The following DACT2 variants were observed in gnomAD, a reference collection of about 807,000 sequenced individuals.
DACT2 encodes the protein dapper homolog 2.
A neutral mutation model predicts 22.2 loss-of-function variants in DACT2; 20 were observed. The observed-to-expected ratio is 0.90, with a 90% CI of 0.63 to 1.31. The LOEUF (loss-of-function observed/expected upper bound fraction) is 1.31. Among genes scored for constraint, DACT2 ranks in the 50% most tolerant of loss-of-function variants. The pLI is 0.00. For missense variants in DACT2, 1,048 were observed against 1,061.4 expected, an observed-to-expected ratio of 0.99 and a Z score of 0.18; for synonymous variants, 463 against 479.8, an observed-to-expected ratio of 0.96 and a Z score of 0.46.
At chr6:168,305,487 C>G (rs550566570), downstream of DACT2, among the ~76,000 whole-genome samples, 3 of 152,302 alleles carry the variant, frequency 2.0e-5, no homozygotes, top group East Asian at 5.8e-4. Context: ...GCTAGGTCAC[C>G]ACGGAGGATG....
In DACT2 at chr6:168,319,515, T is replaced by C. The variant is rs1779595715; in HGVS notation, c.119A>G (p.Gln40Arg). 4.4e-6 allele frequency: 6 copies of C among 1,351,312 alleles called. No homozygotes were observed. Among genetic ancestry groups the C allele is most frequent in the Non-Finnish European group, 4.8e-6 (5 of 1,043,542 alleles). 83.7% of individuals were successfully genotyped at this position (1,351,312 alleles called of 1,614,324 possible). A position where few individuals can be genotyped will look rare whatever the true frequency, so the allele number is the denominator to read the frequency against. Residue 40 changes from glutamine (Q) to arginine (R), a missense_variant, in exon 1 of 4, where the codon CAG (glutamine) becomes CGG (arginine). Physicochemically the swap from Gln to Arg is conservative, Grantham distance 43. Transcript: ENST00000366795. ...QELQGLRATQ[Q>R]ERVRGALALQ... ...GGCCAGGGCGCCCCGTACCCGCTCC[T>C]GCTGCGTGGCTCGCAGCCCCTGCAG...
At chr6:168,314,985 C>T (rs545998564) in intron 1 of DACT2, among the ~76,000 whole-genome samples, 1 of 152,282 alleles carries the variant, frequency 6.6e-6, no homozygotes, top group East Asian at 1.9e-4. Flanking sequence ...AAGTTCTCAC[C>T]CTGCCTCCCT....
chr6:168,311,687 CACACACAT>C (rs1240545069), intron 1 of DACT2, among the ~76,000 whole-genome samples: 1 of 152,094 alleles, frequency 6.6e-6, no homozygotes, highest in African/African-American at 2.4e-5. Flanking sequence ...CACACTCACA[CACACACAT>C]ACACACATGG....
In DACT2 at chr6:168,308,104, G is replaced by A. The variant is rs970005890; in HGVS notation, c.1653C>T (p.Ala551=). ...TGRGGLQRRP[A]LAWEAPGRSC... Reference sequence around the variant, plus strand: ...AGCGCCCGGGTGCCTCCCAGGCCAGGGCTGGCCTCCGCTGGAGCCCGCCCC... The same window carrying A: ...AGCGCCCGGGTGCCTCCCAGGCCAGAGCTGGCCTCCGCTGGAGCCCGCCCC... The change falls in exon 4 of 4, where the codon GCC becomes GCT. Residue 551 remains alanine, a synonymous_variant. Transcript: ENST00000366795. 3.2e-6 allele frequency: 5 copies of A among 1,546,334 alleles called. No individual in the cohort carries two copies. The highest frequency in any genetic ancestry group is 4.0e-5 in the Admixed American group (2 of 50,574).
intron 1 of DACT2, among the ~76,000 whole-genome samples, chr6:168,315,199 G>T (rs1469239848): frequency 6.6e-6 from 1 of 152,226 alleles, no homozygotes; most frequent in Admixed American, 6.5e-5. Context: ...TTCAGGATAA[G>T]ATTTCACTGC....
downstream of DACT2, among the ~76,000 whole-genome samples, chr6:168,305,805 G>T (rs1449786286): frequency 6.6e-6 from 1 of 152,132 alleles, no homozygotes; most frequent in African/African-American, 2.4e-5. Context: ...TCCATGAGTG[G>T]GTTTGAATCA....
chr6:168,309,407 A>AGGGCCGTGTGCGTGTAGACACAGGGTGCG (rs1779331804), intron 3 of DACT2, among the ~76,000 whole-genome samples: 1 of 66,756 alleles, frequency 1.5e-5, no homozygotes, highest in Admixed American at 1.9e-4. Flanking sequence ...GACACCGCAC[A>AGGGCCGTGTGCGTGTAGACACAGGGTGCG]GGGCCGTTTG....
intron 1 of DACT2, among the ~76,000 whole-genome samples, chr6:168,312,189 C>T (rs1015489993): frequency 3.3e-5 from 5 of 152,090 alleles, no homozygotes; most frequent in African/African-American, 1.2e-4. Flanking sequence ...GAAAATCGGC[C>T]TTCAGGATCT....
chr6:168,295,798 T>C (rs1778997945), intron 3 of DACT2, among the ~76,000 whole-genome samples: 1 of 152,238 alleles, frequency 6.6e-6, no homozygotes. Context: ...AAAGCTGCGA[T>C]ATTTGGCTGA....
chr6:168,311,594 A>ACTCACACACACACACACACACC (rs1562498558), intron 1 of DACT2, among the ~76,000 whole-genome samples: 1 of 65,566 alleles, frequency 1.5e-5, no homozygotes, highest in Non-Finnish European at 3.1e-5. Flanking sequence ...CCACACACAC[A>ACTCACACACACACACACACACC]CATACACACA....
Position 168,309,015 on chromosome 6 carries a change from C to G in DACT2, c.742G>C (p.Gly248Arg). Residue 248 changes from glycine (G) to arginine (R), a missense_variant, in exon 4 of 4, where the codon GGG becomes CGG. Gly to Arg is a moderately radical substitution (Grantham distance 125, BLOSUM62 -2). Transcript: ENST00000366795. ...GGCACGTGCAGCGGGATATCCACCC[C>G]CTGGCAGAGGAGCCCGAGGAGCTCG... ...DAELLGLLCQ[G>R]VDIPLHVPDP... 1.3e-6 allele frequency: 2 copies of G among 1,548,090 alleles called. No individual in the cohort carries two copies. Among genetic ancestry groups the G allele is most frequent in the South Asian group, 2.4e-5 (2 of 84,060 alleles).
At position 168,308,887 on chromosome 6, in the gene DACT2, G is replaced by A. The variant is rs1018630393; in HGVS notation, c.870C>T (p.Val290=). 3.9e-6 allele frequency: 6 copies of A among 1,550,826 alleles called. No homozygotes were observed. Among genetic ancestry groups the A allele is most frequent in the Non-Finnish European group, 5.2e-6 (6 of 1,146,866 alleles). Residue 290 remains valine, a synonymous_variant, in exon 4 of 4, where the codon GTC becomes GTT. Transcript: ENST00000366795. ...HAVALQSPLF[V]LTKETPQRGG... Reference sequence around the variant, plus strand: ...CTCTCTGTGGGGTTTCCTTAGTCAGGACAAACAGGGGGCTCTGTAGAGCCA... The same window carrying A: ...CTCTCTGTGGGGTTTCCTTAGTCAGAACAAACAGGGGGCTCTGTAGAGCCA...
intron 3 of DACT2, among the ~76,000 whole-genome samples, chr6:168,300,981 C>T (rs1779093015): frequency 6.7e-6 from 1 of 149,902 alleles, no homozygotes; most frequent in South Asian, 2.1e-4. Context: ...TTGACTCTGT[C>T]TCAAAAAACA....
chr6:168,311,107 C>A, intron 2 of DACT2, 45 bp downstream of exon 2: 5 of 1,486,260 alleles, frequency 3.4e-6, no homozygotes, highest in Non-Finnish European at 3.6e-6. Flanking sequence ...TCTGCCTGTG[C>A]TGCGTGCCTG....
At chr6:168,313,648 G>GTA (rs1779476861) in intron 1 of DACT2, among the ~76,000 whole-genome samples, 2 of 152,220 alleles carry the variant, frequency 1.3e-5, no homozygotes, top group Admixed American at 1.3e-4. Context: ...AAAACCCATG[G>GTA]TACTGACAGA....
chr6:168,296,891 A>C (rs1203263434), intron 3 of DACT2, among the ~76,000 whole-genome samples: 1 of 152,226 alleles, frequency 6.6e-6, no homozygotes, highest in African/African-American at 2.4e-5. Context: ...TGATACTCGC[A>C]AAACCTGTAA....
chr6:168,299,603 C>A (rs764073305), intron 3 of DACT2: 1 of 152,176 alleles, frequency 6.6e-6, no homozygotes, highest in Admixed American at 6.5e-5. Context: ...GTCACAGATC[C>A]CAGCCACAGC....
intron 1 of DACT2, 102 bp downstream of exon 1, chr6:168,319,286 C>G (rs1779586389): frequency 9.7e-7 from 1 of 1,030,666 alleles, no homozygotes; most frequent in Admixed American, 4.7e-5. Context: ...TCCCCTCCAT[C>G]CATCAGACAC....
chr6:168,305,900 G>A (rs1476925179), downstream of DACT2, among the ~76,000 whole-genome samples: 1 of 152,172 alleles, frequency 6.6e-6, no homozygotes, highest in Non-Finnish European at 1.5e-5. Flanking sequence ...GGAAGGGCAG[G>A]TGAAATTGCA....
Sources: allele counts gnomAD v4.1 joint callset (sites outside exome capture counted in the v4.1 genomes callset), GRCh38; gene constraint gnomAD v4.1.1; transcripts MANE v1.5; gene names NCBI Gene and HGNC (gene_info 2026-07-23, HGNC 2026-07-21).